The following NAA11 variants were observed in gnomAD, a reference collection of about 807,000 sequenced individuals.
NAA11 encodes the protein N-alpha-acetyltransferase 11.
In NAA11, 15 loss-of-function variants were observed where a neutral mutation model predicts 16.1. That is an observed-to-expected ratio of 0.93 (90% confidence interval 0.62 to 1.44). The LOEUF (loss-of-function observed/expected upper bound fraction) is 1.44. Among genes scored for constraint, NAA11 ranks in the 40% most tolerant of loss-of-function variants. NAA11 has a pLI of 0.00. For missense variants in NAA11, 298 were observed against 291.3 expected (o/e 1.02, Z -0.17); for synonymous variants, 122 against 112.4 (o/e 1.09, Z -0.54).
intron 2 of NAA11, among the ~76,000 whole-genome samples, chr4:79,261,546 C>A (rs1026409511): frequency 2.0e-5 from 3 of 152,092 alleles, no homozygotes; most frequent in African/African-American, 7.2e-5. Context: ...ACACAGTGTA[C>A]CTGTACCCTG....
At chr4:79,223,868 T>C (rs1341426688), downstream of NAA11, among the ~76,000 whole-genome samples, 1 of 152,070 alleles carries the variant, frequency 6.6e-6, no homozygotes, top group Non-Finnish European at 1.5e-5. Context: ...TGTGAAAAGA[T>C]TTACATGGTT....
intron 2 of NAA11, among the ~76,000 whole-genome samples, chr4:79,235,036 G>C (rs1256341743): frequency 6.6e-6 from 1 of 152,024 alleles, no homozygotes; most frequent in East Asian, 1.9e-4. Flanking sequence ...AAGGAGAAAG[G>C]GGCCAGAAAA....
the NAA11 span, among the ~76,000 whole-genome samples, chr4:79,173,169 A>C: frequency 6.6e-6 from 1 of 152,150 alleles, no homozygotes; most frequent in East Asian, 1.9e-4. Flanking sequence ...AGTTGATGTA[A>C]TTATATGAAC....
At chr4:79,201,810 T>C in the NAA11 span, among the ~76,000 whole-genome samples, 8 of 151,742 alleles carry the variant, frequency 5.3e-5, no homozygotes, top group Non-Finnish European at 1.0e-4. Flanking sequence ...AGCTATTGAG[T>C]TATTTAGAGA....
intron 1 of NAA11, among the ~76,000 whole-genome samples, chr4:79,295,735 A>T (rs537286337): frequency 6.6e-6 from 1 of 152,372 alleles, no homozygotes; most frequent in Non-Finnish European, 1.5e-5. Flanking sequence ...TGTTCAATTT[A>T]AAAAGACAGC....
intron 2 of NAA11, among the ~76,000 whole-genome samples, chr4:79,250,022 G>C (rs1721957711): frequency 6.6e-6 from 1 of 152,218 alleles, no homozygotes; most frequent in Non-Finnish European, 1.5e-5. Context: ...GCCCACCCAG[G>C]AGCAGCACAG....
At chr4:79,315,169 G>T (rs950370513), downstream of NAA11, among the ~76,000 whole-genome samples, 1 of 151,386 alleles carries the variant, frequency 6.6e-6, no homozygotes, top group Non-Finnish European at 1.5e-5. Flanking sequence ...TAGAAATGCA[G>T]ATACTCAGGC....
chr4:79,163,317 G>A, the NAA11 span, among the ~76,000 whole-genome samples: 6 of 152,284 alleles, frequency 3.9e-5, no homozygotes, highest in East Asian at 1.9e-4. Flanking sequence ...TGACTACTGC[G>A]TGAGGCTTTG....
the NAA11 span, among the ~76,000 whole-genome samples, chr4:79,193,770 T>G: frequency 6.6e-6 from 1 of 152,212 alleles, no homozygotes; most frequent in Admixed American, 6.5e-5. Flanking sequence ...AAGAAAGTCC[T>G]TGGTAGTTTG....
chr4:79,289,908 G>A (rs1291448230), intron 2 of NAA11, among the ~76,000 whole-genome samples: 1 of 152,136 alleles, frequency 6.6e-6, no homozygotes, highest in Non-Finnish European at 1.5e-5. Flanking sequence ...CAAGGTGTTA[G>A]GAAGGCTGCT....
chr4:79,171,385 G>A, the NAA11 span, among the ~76,000 whole-genome samples: 1 of 152,144 alleles, frequency 6.6e-6, no homozygotes, highest in African/African-American at 2.4e-5. Flanking sequence ...GACACAGCAT[G>A]AAGGTCTTCA....
the NAA11 span, among the ~76,000 whole-genome samples, chr4:79,167,378 A>G: frequency 1.3e-5 from 2 of 149,702 alleles, no homozygotes; most frequent in Non-Finnish European, 3.0e-5. Flanking sequence ...AACACTTAAC[A>G]GTTATAAAAG....
intron 2 of NAA11, among the ~76,000 whole-genome samples, chr4:79,291,358 G>C (rs1424341749): frequency 1.3e-5 from 2 of 152,098 alleles, no homozygotes; most frequent in Non-Finnish European, 2.9e-5. Flanking sequence ...AGCTACTAGG[G>C]GGTCTGAGGC....
At chr4:79,282,965 A>G (rs1722829197) in intron 2 of NAA11, among the ~76,000 whole-genome samples, 1 of 152,136 alleles carries the variant, frequency 6.6e-6, no homozygotes, top group Non-Finnish European at 1.5e-5. Context: ...TGGAGGAAGT[A>G]GAGTGAAGTA....
At chr4:79,169,290 A>G in the NAA11 span, among the ~76,000 whole-genome samples, 2 of 152,232 alleles carry the variant, frequency 1.3e-5, no homozygotes, top group South Asian at 4.1e-4. Flanking sequence ...AAGAGTTTGT[A>G]TAACCAAGAC....
At chr4:79,242,905 T>A (rs1016562197) in intron 2 of NAA11, among the ~76,000 whole-genome samples, 11 of 152,206 alleles carry the variant, frequency 7.2e-5, no homozygotes. Flanking sequence ...GAGAGGAGCT[T>A]AGGGTTCCCT....
chr4:79,266,191 C>A (rs1266676246), intron 2 of NAA11, among the ~76,000 whole-genome samples: 1 of 152,160 alleles, frequency 6.6e-6, no homozygotes, highest in African/African-American at 2.4e-5. Flanking sequence ...CAAAGCCCTG[C>A]ACATCCAAAG....
At chr4:79,268,120 G>A (rs1722392245) in intron 2 of NAA11, among the ~76,000 whole-genome samples, 1 of 152,116 alleles carries the variant, frequency 6.6e-6, no homozygotes, top group Non-Finnish European at 1.5e-5. Flanking sequence ...GAGCATTGAT[G>A]AATCTGAAGG....
At chr4:79,217,548 G>C in the NAA11 span, among the ~76,000 whole-genome samples, 1 of 152,136 alleles carries the variant, frequency 6.6e-6, no homozygotes, top group Non-Finnish European at 1.5e-5. Context: ...AACACTAATA[G>C]CTTCTTAAAT....
Sources: gnomAD v4.1 joint callset for allele counts (sites outside exome capture counted in the v4.1 genomes callset) on GRCh38, gnomAD v4.1.1 for gene constraint, MANE v1.5 for transcripts, NCBI Gene and HGNC (gene_info 2026-07-23, HGNC 2026-07-21) for gene names.